GASK1A: variants seen among roughly 807,000 people sequenced by gnomAD.
The protein encoded by GASK1A is Golgi-associated kinase 1A.
In GASK1A, 40 loss-of-function variants were observed where a neutral mutation model predicts 41.2. The observed-to-expected ratio is 0.97, with a 90% CI of 0.75 to 1.27. The LOEUF (loss-of-function observed/expected upper bound fraction) is 1.27, where lower values mean the gene tolerates loss of function less well. Among genes scored for constraint, GASK1A ranks in the 50% most tolerant of loss-of-function variants. The probability of loss-of-function intolerance (pLI) is 0.00; values close to 1 mark genes in which losing one functional copy is unlikely to be tolerated. For missense variants in GASK1A, 678 were observed against 745.1 expected, an observed-to-expected ratio of 0.91 and a Z score of 1.05; for synonymous variants, 316 against 307.1, an observed-to-expected ratio of 1.03 and a Z score of -0.30.
chr3:42,979,556 C>G lies in GASK1A; in HGVS notation c.-87C>G. 1 of 1,226,640 alleles carries G rather than the reference C, an allele frequency of 8.2e-7. No homozygotes were observed. The highest frequency in any genetic ancestry group is 1.0e-6 in the Non-Finnish European group (1 of 979,082). The allele number at this position is 1,226,640 out of a possible 1,614,324, so 76.0% of individuals were successfully genotyped here. ...GCATCCTGGGAAGCCTGGCGAGCCA[C>G]GGCGCCGGGGGCGGCCAAGGGGAGG... On this transcript the variant is annotated 5_prime_UTR_variant, in exon 1 of 5. Transcript: ENST00000430121.
chr3:43,000,992 A>T (rs1387448243), intron 1 of GASK1A, among the ~76,000 whole-genome samples: 1 of 152,114 alleles, frequency 6.6e-6, no homozygotes, highest in Non-Finnish European at 1.5e-5. Flanking sequence ...ACTGGTGGAG[A>T]TGCCTGGGTG....
chr3:43,024,274 C>A (rs111343958), intron 1 of GASK1A, among the ~76,000 whole-genome samples: 1 of 152,176 alleles, frequency 6.6e-6, no homozygotes, highest in Non-Finnish European at 1.5e-5. Context: ...CCAGAGCCTG[C>A]TGAAATTATT....
At position 43,056,470 on chromosome 3, in the gene GASK1A, A is replaced by G; in HGVS notation, c.*84A>G. 8.3e-7 allele frequency: 1 copy of G among 1,210,164 alleles called. No homozygotes were observed. The highest frequency in any genetic ancestry group is 1.1e-6 in the Non-Finnish European group (1 of 882,274). The allele number at this position is 1,210,164 out of a possible 1,614,324, so 75.0% of individuals were successfully genotyped here. A position where few individuals can be genotyped will look rare whatever the true frequency, so the allele number is the denominator to read the frequency against. On this transcript the variant is annotated 3_prime_UTR_variant, in exon 5 of 5. Transcript: ENST00000430121. ...CACTCATCTTGAGGACAAATGGGAA[A>G]AGCCAGAAGCCAGAGGGGCACAAGG...
chr3:43,050,321 T>A lies in GASK1A; in HGVS notation c.1291-3200T>A, dbSNP rs539237062. Among the ~76,000 whole-genome samples the A allele has an allele frequency of 7.9e-5, 12 of 152,326 alleles. No individual in the cohort carries two copies. The South Asian group carries it at 8.3e-4, about 11-fold the overall frequency. ...CTTGGTTGACAGGCTCTCTTTTTTT[T>A]AATTTAATTTCAACACTTTGAATGT... On this transcript the variant is annotated intron_variant, in intron 2 of 4. Coordinates refer to ENST00000430121, the MANE Select transcript of GASK1A (RefSeq NM_001129908.3).
In GASK1A at chr3:42,984,390, A is replaced by G. The variant is rs1314751759; in HGVS notation, c.3+4745A>G. ...CTCATACACACACATGTGCACGCAC[A>G]CACACACTCACGCATGCACACATAC... On this transcript the variant is annotated intron_variant, in intron 1 of 4. Transcript: ENST00000430121. The surrounding 1 kb of genome is among the most constrained non-coding windows in gnomAD (Gnocchi z 4.2). 1.3e-5 allele frequency among the ~76,000 whole-genome samples: 2 copies of G among 152,182 alleles called. No homozygotes were observed. The highest frequency in any genetic ancestry group is 3.9e-4 in the East Asian group (2 of 5,194).
intron 1 of GASK1A, among the ~76,000 whole-genome samples, chr3:43,010,943 A>T (rs1406287827): frequency 6.6e-6 from 1 of 152,106 alleles, no homozygotes. Context: ...TTCAAATTGC[A>T]CCCTGCCATG....
At chr3:43,035,201 A>C (rs140464640) in intron 2 of GASK1A, among the ~76,000 whole-genome samples, 1 of 152,138 alleles carries the variant, frequency 6.6e-6, no homozygotes, top group Non-Finnish European at 1.5e-5. Context: ...GTGCACCCCA[A>C]CCTCATCCCC....
intron 2 of GASK1A, among the ~76,000 whole-genome samples, chr3:43,038,615 C>T (rs1033090099): frequency 7.0e-6 from 1 of 143,600 alleles, no homozygotes; most frequent in Admixed American, 6.9e-5. Context: ...AAAAAAAAAT[C>T]CCCCATTCTG....
intron 1 of GASK1A, among the ~76,000 whole-genome samples, chr3:43,029,675 G>T (rs957057840): frequency 6.6e-6 from 1 of 152,212 alleles, no homozygotes; most frequent in Non-Finnish European, 1.5e-5. Flanking sequence ...CTAAGAGGGA[G>T]ATGCTGGCCT....
rs191561887 is a variant in GASK1A at position 42,990,336 on chromosome 3, T to A, written c.3+10691T>A. ...CTGCATTCCAGCCTGGGTGACAGAG[T>A]GAGACCCCGTCTCAAAAAAAAAAAA... On this transcript the variant is annotated intron_variant, in intron 1 of 4. Transcript: ENST00000430121. 1.0e-3 allele frequency among the ~76,000 whole-genome samples: 142 copies of A among 141,118 alleles called. 1 individual carries two copies. Among genetic ancestry groups the A allele is most frequent in the African/African-American group, 3.8e-3 (140 of 37,240 alleles). The allele number at this position is 141,118 out of a possible 152,430, so 92.6% of individuals were successfully genotyped here. A position where few individuals can be genotyped will look rare whatever the true frequency, so the allele number is the denominator to read the frequency against.
chr3:43,035,208 C>T (rs1269213480), intron 2 of GASK1A, among the ~76,000 whole-genome samples: 2 of 152,210 alleles, frequency 1.3e-5, no homozygotes, highest in Admixed American at 6.5e-5. Context: ...CCAACCTCAT[C>T]CCCTTGAGCC....
chr3:43,011,271 A>G (rs1405722508), intron 1 of GASK1A, among the ~76,000 whole-genome samples: 1 of 151,896 alleles, frequency 6.6e-6, no homozygotes, highest in Non-Finnish European at 1.5e-5. Flanking sequence ...AGTCCCAGCT[A>G]CTTGAGAGGC....
intron 1 of GASK1A, among the ~76,000 whole-genome samples, chr3:43,028,253 A>T (rs758279933): frequency 6.6e-6 from 1 of 152,314 alleles, no homozygotes; most frequent in South Asian, 2.1e-4. Context: ...GTTGATGTCA[A>T]TGCTGGTCAG....
intron 1 of GASK1A, among the ~76,000 whole-genome samples, chr3:43,018,259 T>C (rs1288307579): frequency 6.6e-6 from 1 of 152,218 alleles, no homozygotes; most frequent in Non-Finnish European, 1.5e-5. Context: ...CTGCCAGTAA[T>C]CTGAATTTCT....
At chr3:43,049,591 G>A (rs1254791046) in intron 2 of GASK1A, among the ~76,000 whole-genome samples, 1 of 130,802 alleles carries the variant, frequency 7.6e-6, no homozygotes, top group Non-Finnish European at 1.7e-5. Context: ...ATTGGCCTCT[G>A]GGCTAAACTT....
Position 43,021,848 on chromosome 3 carries a change from G to C in GASK1A, c.4-10419G>C, listed in dbSNP as rs552596302. On this transcript the variant is annotated intron_variant, in intron 1 of 4. Coordinates refer to ENST00000430121, the MANE Select transcript of GASK1A (RefSeq NM_001129908.3). Reference sequence around the variant, plus strand: ...CACTGCTCCTTCTCCGCAACTGTGGGTGGATGGGACTGTTAAGCCCATGGG... The same window carrying C: ...CACTGCTCCTTCTCCGCAACTGTGGCTGGATGGGACTGTTAAGCCCATGGG... 2.6e-5 allele frequency among the ~76,000 whole-genome samples: 4 copies of C among 152,332 alleles called. No individual in the cohort carries two copies. The South Asian group carries it at 6.2e-4, about 24-fold the overall frequency.
At chr3:43,034,975 GCTGAT>G (rs2089597663) in intron 2 of GASK1A, among the ~76,000 whole-genome samples, 1 of 152,182 alleles carries the variant, frequency 6.6e-6, no homozygotes, top group African/African-American at 2.4e-5. Context: ...CACGGGACTA[GCTGAT>G]CTCCTGTCGT....
chr3:43,032,523 C>T lies in GASK1A; in HGVS notation c.260C>T (p.Ser87Phe). The T allele has an allele frequency of 6.5e-7, 1 of 1,549,132 alleles. No individual in the cohort carries two copies. Among genetic ancestry groups the T allele is most frequent in the Non-Finnish European group, 8.7e-7 (1 of 1,144,880 alleles). ...FWRSRALPRN[S>F]ILVCAEEQGH... is the part of the protein sequence containing the mutation. The stretch of plus-strand genomic sequence containing the variant: ...AGAAGCCGTGCTTTGCCCAGGAACT[C>T]CATCTTGGTCTGTGCTGAGGAGCAA... The change falls in exon 2 of 5, where the codon TCC (serine) becomes TTC (phenylalanine). Residue 87 changes from serine (S) to phenylalanine (F), a missense_variant. Ser to Phe is a radical substitution (Grantham distance 155). Coordinates refer to ENST00000430121, the MANE Select transcript of GASK1A (RefSeq NM_001129908.3).
intron 1 of GASK1A, among the ~76,000 whole-genome samples, chr3:42,992,985 A>G (rs914622334): frequency 5.9e-5 from 9 of 152,220 alleles, no homozygotes; most frequent in African/African-American, 2.2e-4. Context: ...TCAGCAGTCT[A>G]TGAGTGGTTG....
Sources: gnomAD v4.1 joint callset for allele counts (sites outside exome capture counted in the v4.1 genomes callset) on GRCh38, gnomAD v4.1.1 for gene constraint, Gnocchi (gnomAD v3.1) non-coding constraint, MANE v1.5 for transcripts, NCBI Gene and HGNC (gene_info 2026-07-23, HGNC 2026-07-21) for gene names.